RABGAP1L: variants seen among roughly 807,000 people sequenced by gnomAD.
RABGAP1L encodes rab GTPase-activating protein 1-like.
In RABGAP1L, 63 loss-of-function variants were observed where a neutral mutation model predicts 137.7. The observed-to-expected ratio is 0.46, with a 90% CI of 0.37 to 0.56. The LOEUF (loss-of-function observed/expected upper bound fraction) is 0.56, where lower values mean the gene tolerates loss of function less well. RABGAP1L is among the 20% of genes least tolerant of loss of function. The probability of loss-of-function intolerance (pLI) is 0.00; values close to 1 mark genes in which losing one functional copy is unlikely to be tolerated. For synonymous variants in RABGAP1L, 431 were observed against 433.7 expected (o/e 0.99, Z 0.08); for missense variants, 1,095 against 1,244.0 (o/e 0.88, Z 1.80).
chr1:174,467,193 A>G (rs934709963), intron 13 of RABGAP1L, among the ~76,000 whole-genome samples: 5 of 152,182 alleles, frequency 3.3e-5, no homozygotes, highest in Non-Finnish European at 4.4e-5. Flanking sequence ...TTTATTTTTT[A>G]CATCTTATAT....
intron 7 of RABGAP1L, among the ~76,000 whole-genome samples, chr1:174,264,574 G>C (rs1673890715): frequency 6.6e-6 from 1 of 152,082 alleles, no homozygotes. Flanking sequence ...AAAAAATCAA[G>C]TTTGACACTG....
rs539392918 is a variant in RABGAP1L at position 174,360,983 on chromosome 1, C to T, written c.1466-9996C>T. 4.6e-5 allele frequency among the ~76,000 whole-genome samples: 7 copies of T among 152,188 alleles called. No individual in the cohort carries two copies. In the East Asian group the frequency reaches 7.7e-4, roughly 17 times the overall value. ...CATCCTGGCTAACACGGTGAAACGC[C>T]GTCTCTACTAAAAAATACAAAAAAT... On this transcript the variant is annotated intron_variant, in intron 11 of 25. Coordinates refer to ENST00000681986, the MANE Select transcript of RABGAP1L (RefSeq NM_001366446.1).
intron 13 of RABGAP1L, among the ~76,000 whole-genome samples, chr1:174,449,587 A>T (rs1302331905): frequency 6.6e-6 from 1 of 152,224 alleles, no homozygotes; most frequent in Non-Finnish European, 1.5e-5. Context: ...TCTTTGTGGA[A>T]GTTATTACTT....
intron 19 of RABGAP1L, among the ~76,000 whole-genome samples, chr1:174,928,072 C>G (rs1663134735): frequency 2.0e-5 from 3 of 152,208 alleles, no homozygotes; most frequent in Admixed American, 2.0e-4. Context: ...TAAGGCCCTT[C>G]AAGATCTGGC....
intron 1 of RABGAP1L, among the ~76,000 whole-genome samples, chr1:174,208,615 G>A (rs1027684516): frequency 6.6e-6 from 1 of 152,044 alleles, no homozygotes; most frequent in East Asian, 1.9e-4. Context: ...CCAGTCTTTC[G>A]TACCTGGTAT....
intron 13 of RABGAP1L, among the ~76,000 whole-genome samples, chr1:174,563,905 C>A (rs1480363257): frequency 1.3e-5 from 2 of 152,022 alleles, no homozygotes; most frequent in Admixed American, 1.3e-4. Flanking sequence ...ATGTTGTTAC[C>A]CCAGGTCTTG....
intron 13 of RABGAP1L, among the ~76,000 whole-genome samples, chr1:174,601,841 A>C (rs1670436818): frequency 6.6e-6 from 1 of 152,120 alleles, no homozygotes. Flanking sequence ...CTCAAGTTCA[A>C]AGTTCCACAA....
chr1:174,259,656 A>C (rs1483504010), intron 7 of RABGAP1L, among the ~76,000 whole-genome samples: 1 of 152,190 alleles, frequency 6.6e-6, no homozygotes, highest in Non-Finnish European at 1.5e-5. Context: ...AAGTCATGAA[A>C]ACTTTTAATA....
At chr1:174,913,820 A>G (rs1025957121) in intron 19 of RABGAP1L, among the ~76,000 whole-genome samples, 2 of 152,230 alleles carry the variant, frequency 1.3e-5, no homozygotes, top group African/African-American at 2.4e-5. Context: ...TTTGTATGCA[A>G]TAAAAATGAC....
chr1:174,487,730 G>A (rs1301870364), intron 13 of RABGAP1L, among the ~76,000 whole-genome samples: 1 of 151,886 alleles, frequency 6.6e-6, no homozygotes, highest in African/African-American at 2.4e-5. Flanking sequence ...TTTGGTTAAG[G>A]TGATTTTCTC....
At chr1:174,467,232 A>G (rs1657402276) in intron 13 of RABGAP1L, among the ~76,000 whole-genome samples, 1 of 152,170 alleles carries the variant, frequency 6.6e-6, no homozygotes, top group Admixed American at 6.6e-5. Context: ...TACTAGATGA[A>G]GCATCAATGT....
At chr1:174,608,352 C>T (rs1055654562) in intron 13 of RABGAP1L, among the ~76,000 whole-genome samples, 2 of 152,122 alleles carry the variant, frequency 1.3e-5, no homozygotes, top group African/African-American at 4.8e-5. Flanking sequence ...AAGGTGCTGC[C>T]TGTAGTGGCC....
chr1:174,332,380 TTTTATTTA>T (rs57912999), intron 11 of RABGAP1L, among the ~76,000 whole-genome samples: 1 of 149,726 alleles, frequency 6.7e-6, no homozygotes, highest in Non-Finnish European at 1.5e-5. Flanking sequence ...TTATCTAAAT[TTTTATTTA>T]TTTATTTATT....
At chr1:174,331,435 A>G (rs1681019695) in intron 11 of RABGAP1L, among the ~76,000 whole-genome samples, 1 of 152,248 alleles carries the variant, frequency 6.6e-6, no homozygotes, top group African/African-American at 2.4e-5. Context: ...TGCATTCAAT[A>G]GCAAAAAACC....
intron 18 of RABGAP1L, among the ~76,000 whole-genome samples, chr1:174,772,567 CAAAAA>C (rs60690186): frequency 1.2e-3 from 62 of 53,066 alleles, no homozygotes; most frequent in Non-Finnish European, 1.7e-3. Flanking sequence ...GACTCCATCT[CAAAAA>C]AAAAAAAAAA....
chr1:174,241,542 T>G lies in RABGAP1L; in HGVS notation c.602T>G (p.Phe201Cys). ...TCTTTTCCAATCTATAAGGTGTTAT[T>G]CTGTGCACGTGGACATGACGGAACA... ...IASFPIYKVL[F>C]CARGHDGTTE... The change falls in exon 5 of 26, where the codon TTC becomes TGC. Residue 201 changes from phenylalanine to cysteine, a missense_variant. By Grantham distance (205) the Phe-to-Cys change is radical (BLOSUM62 -2). Transcript: ENST00000681986. 6.2e-7 allele frequency: 1 copy of G among 1,613,290 alleles called. No homozygotes were observed. The highest frequency in any genetic ancestry group is 8.5e-7 in the Non-Finnish European group (1 of 1,179,290).
chr1:174,240,938 TTGTGTG>T (rs71958106), intron 4 of RABGAP1L, among the ~76,000 whole-genome samples: 1 of 150,562 alleles, frequency 6.6e-6, no homozygotes, highest in Non-Finnish European at 1.5e-5. Flanking sequence ...ATGTGTGTGT[TTGTGTG>T]TGTGTGTGTG....
Position 174,275,954 on chromosome 1 carries a change from T to C in RABGAP1L, c.1156+19T>C. On this transcript the variant is annotated intron_variant, in intron 9 of 25. Transcript: ENST00000681986. Reference sequence around the variant, plus strand: ...CCAAAAGGTGACTTTTCTTAAAAGATCCCTTATTGTTTGCTTTACATTTTA... The same window carrying C: ...CCAAAAGGTGACTTTTCTTAAAAGACCCCTTATTGTTTGCTTTACATTTTA... 7 of 1,575,838 alleles carry C rather than the reference T, an allele frequency of 4.4e-6. No individual in the cohort carries two copies. Among genetic ancestry groups the C allele is most frequent in the Non-Finnish European group, 6.1e-6 (7 of 1,149,110 alleles).
At chr1:174,644,692 G>A (rs1557943769) in intron 14 of RABGAP1L, among the ~76,000 whole-genome samples, 1 of 151,984 alleles carries the variant, frequency 6.6e-6, no homozygotes, top group Non-Finnish European at 1.5e-5. Context: ...ACAAAAACTT[G>A]TAGTTGTTCT....
Sources: allele counts gnomAD v4.1 joint callset (sites outside exome capture counted in the v4.1 genomes callset), GRCh38; gene constraint gnomAD v4.1.1; transcripts MANE v1.5; gene names NCBI Gene and HGNC (gene_info 2026-07-23, HGNC 2026-07-21).